Variants in NR2F1-AS1 observed in about 807,000 individuals in gnomAD.
The protein encoded by NR2F1-AS1 is NR2F1 antisense RNA 1.
At chr5:93,572,678 C>T (rs1232286455) in intron 1 of NR2F1-AS1, among the ~76,000 whole-genome samples, 1 of 152,218 alleles carries the variant, frequency 6.6e-6, no homozygotes, top group Non-Finnish European at 1.5e-5. Flanking sequence ...CCTGCCTTTT[C>T]CCCCCACCGA....
At chr5:93,585,320 C>G (rs1002309583), upstream of NR2F1-AS1, 1 of 1,612,912 alleles carries the variant, frequency 6.2e-7, no homozygotes, top group Non-Finnish European at 8.5e-7. Flanking sequence ...AGCACTACGG[C>G]CAATTCACCT....
chr5:93,458,175 C>T (rs145223555), intron 4 of NR2F1-AS1, among the ~76,000 whole-genome samples: 19 of 152,160 alleles, frequency 1.2e-4, no homozygotes, highest in South Asian at 8.3e-4. Context: ...CCCAGGGGAC[C>T]GGCGCTCAGC....
At chr5:93,415,434 A>C (rs1274866996) in intron 4 of NR2F1-AS1, among the ~76,000 whole-genome samples, 1 of 152,208 alleles carries the variant, frequency 6.6e-6, no homozygotes, top group Non-Finnish European at 1.5e-5. Context: ...AGACCTTAAC[A>C]ACTCACCATT....
chr5:93,499,852 GA>G (rs766733911), intron 4 of NR2F1-AS1, among the ~76,000 whole-genome samples: 50 of 152,192 alleles, frequency 3.3e-4, no homozygotes, highest in Non-Finnish European at 6.3e-4. Flanking sequence ...CTGATGCAGA[GA>G]AAGCTTTAGG....
chr5:93,425,559 A>G (rs1749178620), intron 4 of NR2F1-AS1, among the ~76,000 whole-genome samples: 1 of 152,212 alleles, frequency 6.6e-6, no homozygotes, highest in African/African-American at 2.4e-5. Context: ...TTTACAATCA[A>G]CCAACTCTTA....
intron 4 of NR2F1-AS1, among the ~76,000 whole-genome samples, chr5:93,540,238 T>C (rs1202876131): frequency 3.3e-5 from 5 of 152,142 alleles, no homozygotes; most frequent in Non-Finnish European, 7.3e-5. Context: ...AAAAAGAAAA[T>C]AGAGAATCAC....
chr5:93,466,034 T>G (rs1750222818), intron 4 of NR2F1-AS1, among the ~76,000 whole-genome samples: 1 of 151,710 alleles, frequency 6.6e-6, no homozygotes. Flanking sequence ...GTAACAAACC[T>G]GCACGTTGTG....
At chr5:93,417,172 T>G (rs1030980972) in intron 4 of NR2F1-AS1, among the ~76,000 whole-genome samples, 1 of 152,202 alleles carries the variant, frequency 6.6e-6, no homozygotes, top group African/African-American at 2.4e-5. Context: ...CCCTGCAATT[T>G]TATTTATACT....
chr5:93,529,031 G>T (rs1484000633), intron 4 of NR2F1-AS1, among the ~76,000 whole-genome samples: 1 of 151,942 alleles, frequency 6.6e-6, no homozygotes, highest in Non-Finnish European at 1.5e-5. Context: ...ATATATCCCA[G>T]AACTTAAAGT....
chr5:93,506,179 C>T lies in NR2F1-AS1; in HGVS notation n.638+47582G>A, dbSNP rs1299028074. On this transcript the variant is annotated intron_variant and non_coding_transcript_variant, in intron 4 of 5. Transcript: ENST00000660523. ...AATGCCACCAGTCTCTTTGCTAAAA[C>T]GTAACAAGAGTCACCTTTGCTCCAG... is the stretch of plus-strand genomic sequence containing the variant. Among the ~76,000 whole-genome samples, 5 of 152,288 alleles carry T rather than the reference C, an allele frequency of 3.3e-5. No individual in the cohort carries two copies. In the East Asian group the frequency reaches 9.7e-4, roughly 29 times the overall value.
At chr5:93,434,585 T>G (rs922089266) in intron 4 of NR2F1-AS1, among the ~76,000 whole-genome samples, 3 of 152,230 alleles carry the variant, frequency 2.0e-5, no homozygotes, top group African/African-American at 7.2e-5. Context: ...AGATATTCAC[T>G]TACAGGGTCA....
At chr5:93,411,816 A>G (rs76340081) in intron 4 of NR2F1-AS1, among the ~76,000 whole-genome samples, 5,238 of 152,258 alleles carry the variant, frequency 0.034, 293 homozygotes, top group African/African-American at 0.12. Context: ...CCTTGTCTTT[A>G]TAAGCAGGAA....
chr5:93,474,843 G>A (rs750379914), intron 4 of NR2F1-AS1, among the ~76,000 whole-genome samples: 33 of 152,214 alleles, frequency 2.2e-4, no homozygotes, highest in African/African-American at 2.4e-4. Context: ...ATGATTTCCC[G>A]GCCAGGTGCG....
At chr5:93,530,878 ACTTTT>A (rs532655529) in intron 4 of NR2F1-AS1, among the ~76,000 whole-genome samples, 232 of 152,302 alleles carry the variant, frequency 1.5e-3, no homozygotes, top group Admixed American at 0.011. Flanking sequence ...GTCTAAGGTT[ACTTTT>A]CTTAAGTTTA....
chr5:93,576,304 C>G (rs900518812), intron 1 of NR2F1-AS1, among the ~76,000 whole-genome samples: 9 of 152,272 alleles, frequency 5.9e-5, no homozygotes, highest in African/African-American at 2.2e-4. Context: ...TTTATTAACT[C>G]CCCCCAAAGA....
At chr5:93,484,288 G>T (rs1750668796) in intron 4 of NR2F1-AS1, among the ~76,000 whole-genome samples, 1 of 152,132 alleles carries the variant, frequency 6.6e-6, no homozygotes. Flanking sequence ...GAGAGTGGGG[G>T]CCAATATTCA....
chr5:93,532,377 A>G (rs566945794), intron 4 of NR2F1-AS1, among the ~76,000 whole-genome samples: 1 of 151,578 alleles, frequency 6.6e-6, no homozygotes, highest in African/African-American at 2.4e-5. Flanking sequence ...TTGCATTTTT[A>G]TAACTTTCAG....
intron 1 of NR2F1-AS1, chr5:93,570,836 G>A (rs1166532893): frequency 6.6e-6 from 1 of 152,250 alleles, no homozygotes; most frequent in Non-Finnish European, 1.5e-5. Context: ...TCCGCGGCCG[G>A]ATATGGGCCT....
intron 4 of NR2F1-AS1, among the ~76,000 whole-genome samples, chr5:93,458,803 A>G (rs527646994): frequency 2.9e-4 from 44 of 152,272 alleles, no homozygotes; most frequent in Admixed American, 2.5e-3. Flanking sequence ...TGAGGTCAGG[A>G]GTTTGAGACC....
Sources: gnomAD v4.1 joint callset for allele counts (sites outside exome capture counted in the v4.1 genomes callset) on GRCh38, gnomAD v4.1.1 for gene constraint, MANE v1.5 for transcripts, NCBI Gene and HGNC (gene_info 2026-07-23, HGNC 2026-07-21) for gene names.